Variants in PTH2R observed in about 807,000 individuals in gnomAD.
PTH2R encodes parathyroid hormone 2 receptor.
PTH2R carries 59 observed loss-of-function variants against 60.3 expected under a neutral mutation model. That is an observed-to-expected ratio of 0.98 (90% CI 0.79 to 1.22). PTH2R has a LOEUF of 1.22. PTH2R is among the 50% of genes most tolerant of loss of function. The pLI is 0.00. For missense variants in PTH2R, 749 were observed against 682.6 expected, an observed-to-expected ratio of 1.10 and a Z score of -1.08; for synonymous variants, 256 against 243.8, an observed-to-expected ratio of 1.05 and a Z score of -0.47.
In PTH2R at chr2:208,419,457, C is replaced by T. The variant is rs182831780; in HGVS notation, c.76-8744C>T. Reference sequence around the variant, plus strand: ...CAGATGAGTAGGTTGCAAAAATTTTCTCCCATTCTGTAGGTTGCCTGTTTA... The same window carrying T: ...CAGATGAGTAGGTTGCAAAAATTTTTTCCCATTCTGTAGGTTGCCTGTTTA... On this transcript the variant is annotated intron_variant, in intron 1 of 12. Transcript: ENST00000272847. Among the ~76,000 whole-genome samples the T allele has an allele frequency of 9.2e-3, 1,407 of 152,176 alleles. 26 individuals carry two copies. The highest frequency in any genetic ancestry group is 0.033 in the African/African-American group (1,357 of 41,530).
At position 208,417,541 on chromosome 2, in the gene PTH2R, C is replaced by CTT. The variant is rs56354728; in HGVS notation, c.75+10451_75+10452dup. Among the ~76,000 whole-genome samples, 45 of 87,902 alleles carry CTT rather than the reference C, an allele frequency of 5.1e-4. 1 individual carries two copies. Among genetic ancestry groups the CTT allele is most frequent in the South Asian group, 9.4e-4 (2 of 2,136 alleles). The allele number at this position is 87,902 out of a possible 152,430, so 57.7% of individuals were successfully genotyped here. ...AGAAGTACTGTTCAAAGGTGGGAAT[C>CTT]TTTTTTTTTTTTTTTTTTTTTTTTT... On this transcript the variant is annotated intron_variant, in intron 1 of 12. Coordinates refer to ENST00000272847, the MANE Select transcript of PTH2R (RefSeq NM_005048.4).
intron 7 of PTH2R, among the ~76,000 whole-genome samples, chr2:208,446,571 T>C (rs1344992958): frequency 6.6e-6 from 1 of 152,228 alleles, no homozygotes; most frequent in African/African-American, 2.4e-5. Flanking sequence ...AAAAGAGTAA[T>C]AACTATTCTT....
chr2:208,368,498 A>G (rs572443689), intron 1 of PTH2R, among the ~76,000 whole-genome samples: 1 of 151,184 alleles, frequency 6.6e-6, no homozygotes, highest in East Asian at 1.9e-4. Context: ...TCTTGCCTCA[A>G]CTAACCCTTA....
At chr2:208,484,327 T>C (rs1703226100) in intron 10 of PTH2R, among the ~76,000 whole-genome samples, 1 of 152,214 alleles carries the variant, frequency 6.6e-6, no homozygotes, top group Non-Finnish European at 1.5e-5. Context: ...AATCAATCAG[T>C]TCTTAAAACA....
chr2:208,400,038 G>C (rs1701279487), intron 1 of PTH2R, among the ~76,000 whole-genome samples: 1 of 152,112 alleles, frequency 6.6e-6, no homozygotes, highest in Non-Finnish European at 1.5e-5. Flanking sequence ...AAGTAAAACT[G>C]TATTTCAATA....
At chr2:208,468,815 T>A (rs1237857139) in intron 9 of PTH2R, among the ~76,000 whole-genome samples, 1 of 152,206 alleles carries the variant, frequency 6.6e-6, no homozygotes, top group Non-Finnish European at 1.5e-5. Context: ...CTGCAAGGTT[T>A]ATGTAAACAA....
chr2:208,381,868 A>T (rs1381770933), intron 1 of PTH2R, among the ~76,000 whole-genome samples: 1 of 152,148 alleles, frequency 6.6e-6, no homozygotes, highest in Non-Finnish European at 1.5e-5. Flanking sequence ...TCTTGCAAAC[A>T]GATATCATAT....
intron 1 of PTH2R, among the ~76,000 whole-genome samples, chr2:208,373,900 C>A (rs1408498617): frequency 6.6e-6 from 1 of 151,996 alleles, no homozygotes; most frequent in South Asian, 2.1e-4. Flanking sequence ...GAATATAATT[C>A]GCTTTTTTCC....
chr2:208,419,626 A>G (rs1199486493), intron 1 of PTH2R, among the ~76,000 whole-genome samples: 3 of 152,156 alleles, frequency 2.0e-5, no homozygotes, highest in Admixed American at 6.5e-5. Flanking sequence ...GGTATTCCCT[A>G]GGTTTTCTTC....
intron 1 of PTH2R, among the ~76,000 whole-genome samples, chr2:208,422,461 A>G (rs1318551550): frequency 6.6e-6 from 1 of 152,206 alleles, no homozygotes; most frequent in Non-Finnish European, 1.5e-5. Context: ...TAATATATAA[A>G]TGTTATAATA....
At chr2:208,427,649 A>T (rs61193569) in intron 1 of PTH2R, among the ~76,000 whole-genome samples, 2 of 152,136 alleles carry the variant, frequency 1.3e-5, no homozygotes, top group African/African-American at 4.8e-5. Flanking sequence ...ACTGTGAAAC[A>T]AATTAATGTT....
chr2:208,432,087 A>G (rs1403386583), intron 2 of PTH2R, among the ~76,000 whole-genome samples: 1 of 152,226 alleles, frequency 6.6e-6, no homozygotes, highest in Non-Finnish European at 1.5e-5. Flanking sequence ...TAACAAAGAG[A>G]TACATCATCA....
intron 5 of PTH2R, 118 bp from the exon 6 acceptor site, chr2:208,443,230 C>CT: frequency 1.2e-6 from 1 of 818,250 alleles, no homozygotes; most frequent in Non-Finnish European, 1.8e-6. Context: ...TGTGTGGAGT[C>CT]TCGAACCAGT....
At chr2:208,377,290 A>G (rs565715239) in intron 1 of PTH2R, among the ~76,000 whole-genome samples, 1 of 152,242 alleles carries the variant, frequency 6.6e-6, no homozygotes, top group Non-Finnish European at 1.5e-5. Context: ...AGACACAGCA[A>G]CAATCTGATT....
At chr2:208,439,057 A>T (rs374747881) in intron 4 of PTH2R, among the ~76,000 whole-genome samples, 1 of 152,182 alleles carries the variant, frequency 6.6e-6, no homozygotes, top group Admixed American at 6.5e-5. Flanking sequence ...AGAAACAAAC[A>T]TTCACTGATA....
At chr2:208,413,632 T>C (rs180945983) in intron 1 of PTH2R, among the ~76,000 whole-genome samples, 69 of 152,364 alleles carry the variant, frequency 4.5e-4, no homozygotes, top group Non-Finnish European at 8.5e-4. Flanking sequence ...ATTGACTAAA[T>C]GGAACATGTA....
chr2:208,471,152 A>C (rs1702871284), intron 9 of PTH2R, among the ~76,000 whole-genome samples: 1 of 152,206 alleles, frequency 6.6e-6, no homozygotes, highest in Non-Finnish European at 1.5e-5. Context: ...AGAGCATAAA[A>C]GTTTGGAAAA....
rs1574922191 is a variant in PTH2R at position 208,493,341 on chromosome 2, C to A, written c.1335C>A (p.Ser445Arg). Reference protein sequence around the residue: ...VDWKRTPPCGSRRCGSVLTTV... With the variant: ...VDWKRTPPCGRRRCGSVLTTV... ...GGAAAAGGACACCGCCATGTGGCAGCCGCAGATGCGGCTCAGTGCTCACCA... is the reference window on the plus strand; with the variant it reads ...GGAAAAGGACACCGCCATGTGGCAGACGCAGATGCGGCTCAGTGCTCACCA... Residue 445 changes from serine to arginine, a missense_variant, in exon 13 of 13, where the codon AGC becomes AGA. Coordinates refer to ENST00000272847, the MANE Select transcript of PTH2R (RefSeq NM_005048.4). 2 of 1,570,900 alleles carry A rather than the reference C, an allele frequency of 1.3e-6. No individual in the cohort carries two copies. Among genetic ancestry groups the A allele is most frequent in the East Asian group, 4.5e-5 (2 of 44,198 alleles).
At chr2:208,414,373 G>C (rs549401733) in intron 1 of PTH2R, among the ~76,000 whole-genome samples, 3 of 152,174 alleles carry the variant, frequency 2.0e-5, no homozygotes. Flanking sequence ...AATATATCTG[G>C]TGACAATAGT....
Sources: gnomAD v4.1 joint callset for allele counts (sites outside exome capture counted in the v4.1 genomes callset) on GRCh38, gnomAD v4.1.1 for gene constraint, MANE v1.5 for transcripts, NCBI Gene and HGNC (gene_info 2026-07-23, HGNC 2026-07-21) for gene names.